PCDH15: variants seen among roughly 807,000 people sequenced by gnomAD.
PCDH15 encodes the protein protocadherin-15.
PCDH15 carries 129 observed loss-of-function variants against 178.5 expected under a neutral mutation model. The observed-to-expected ratio is 0.72, with a 90% confidence interval of 0.63 to 0.84. PCDH15 has a LOEUF of 0.84. Among genes scored for constraint, PCDH15 ranks in the 40% least tolerant of loss-of-function variants. The pLI, the probability that PCDH15 is intolerant of heterozygous loss-of-function variation, is 0.00. For missense variants in PCDH15, 2,230 were observed against 2,099.9 expected, an observed-to-expected ratio of 1.06 and a Z score of -1.21; for synonymous variants, 800 against 732.0, an observed-to-expected ratio of 1.09 and a Z score of -1.50.
chr10:55,366,185 T>A (rs1204490438), intron 2 of PCDH15: 2 of 152,126 alleles, frequency 1.3e-5, no homozygotes, highest in Non-Finnish European at 2.9e-5. Context: ...GTGACAATAG[T>A]AGGGTGAAGT....
intron 2 of PCDH15, among the ~76,000 whole-genome samples, chr10:54,626,084 G>T (rs965869194): frequency 6.6e-6 from 1 of 152,178 alleles, no homozygotes; most frequent in African/African-American, 2.4e-5. Flanking sequence ...GAACTTGAGA[G>T]AGATGATTTA....
chr10:54,314,567 T>C (rs2061119586), intron 8 of PCDH15, among the ~76,000 whole-genome samples: 1 of 152,110 alleles, frequency 6.6e-6, no homozygotes, highest in Non-Finnish European at 1.5e-5. Flanking sequence ...CAGGGGTCCA[T>C]ATGCAGGTTT....
At chr10:54,024,292 T>A (rs2093016508) in intron 18 of PCDH15, among the ~76,000 whole-genome samples, 1 of 152,080 alleles carries the variant, frequency 6.6e-6, no homozygotes, top group Non-Finnish European at 1.5e-5. Flanking sequence ...TCTTAGAAAC[T>A]GTAAAATATT....
At chr10:55,462,169 A>G (rs1839693611) in intron 2 of PCDH15, among the ~76,000 whole-genome samples, 1 of 152,192 alleles carries the variant, frequency 6.6e-6, no homozygotes, top group South Asian at 2.1e-4. Flanking sequence ...AGAGTTTCAT[A>G]TATATTTCCA....
rs777117144 is a variant in PCDH15 at position 54,153,177 on chromosome 10, T to C, written c.1707A>G (p.Pro569=). The C allele has an allele frequency of 6.2e-7, 1 of 1,613,922 alleles. No individual in the cohort carries two copies. The highest frequency in any genetic ancestry group is 1.1e-5 in the South Asian group (1 of 91,084). ...TCCGCCCGACTATCATTTCCACCCCTGGAGCGATGGTGATAAGCCCTGTTG... is the reference window on the plus strand; with the variant it reads ...TCCGCCCGACTATCATTTCCACCCCCGGAGCGATGGTGATAAGCCCTGTTG... The part of the protein sequence containing the change: ...NKTTGLITIA[P]GVEMIVGRTY... The change falls in exon 14 of 38, where the codon CCA becomes CCG. Residue 569 remains proline, a synonymous_variant. Coordinates refer to ENST00000644397, the MANE Select transcript of PCDH15 (RefSeq NM_001384140.1).
intron 37 of PCDH15, 84 bp from the exon 38 acceptor site, chr10:53,807,214 A>G: frequency 1.8e-6 from 2 of 1,126,232 alleles, no homozygotes; most frequent in South Asian, 1.7e-5. Flanking sequence ...ATCCAAAACA[A>G]TGACATTTAG....
At chr10:55,457,593 GA>G (rs961928368) in intron 2 of PCDH15, among the ~76,000 whole-genome samples, 13 of 152,126 alleles carry the variant, frequency 8.5e-5, no homozygotes, top group Admixed American at 5.9e-4. Flanking sequence ...TTTCAGGAGA[GA>G]AAACAATTAA....
chr10:53,908,771 G>T (rs1419762757), intron 25 of PCDH15, among the ~76,000 whole-genome samples: 1 of 152,148 alleles, frequency 6.6e-6, no homozygotes. Flanking sequence ...CACATTAAAT[G>T]ATTTTTAAAA....
intron 3 of PCDH15, among the ~76,000 whole-genome samples, chr10:54,513,616 T>A (rs1447013692): frequency 6.6e-6 from 1 of 152,192 alleles, no homozygotes; most frequent in Admixed American, 6.6e-5. Flanking sequence ...AATCACACTA[T>A]GTATTTTTAT....
intron 11 of PCDH15, among the ~76,000 whole-genome samples, chr10:54,188,148 A>G (rs1052912727): frequency 2.6e-5 from 4 of 151,924 alleles, no homozygotes; most frequent in Admixed American, 2.0e-4. Context: ...GTGCATTTGA[A>G]GTCAAATATC....
At chr10:54,379,170 G>T (rs1458347971) in intron 3 of PCDH15, among the ~76,000 whole-genome samples, 1 of 152,068 alleles carries the variant, frequency 6.6e-6, no homozygotes, top group Non-Finnish European at 1.5e-5. Flanking sequence ...CAGACATGGT[G>T]AGTTCCATCA....
At chr10:55,339,525 A>T (rs967418309) in intron 2 of PCDH15, among the ~76,000 whole-genome samples, 4 of 152,206 alleles carry the variant, frequency 2.6e-5, no homozygotes, top group African/African-American at 9.6e-5. Context: ...ATCAATGTAT[A>T]CATAACAGAT....
chr10:54,283,573 A>G lies in PCDH15; in HGVS notation c.876+33698T>C, dbSNP rs182947138. On this transcript the variant is annotated intron_variant, in intron 8 of 37. Transcript: ENST00000644397. Reference sequence around the variant, plus strand: ...ATAGATGTTTCTCAATAACAACAATAAAGAAAATTATTTCTTCATGTATTT... The same window carrying G: ...ATAGATGTTTCTCAATAACAACAATGAAGAAAATTATTTCTTCATGTATTT... Among the ~76,000 whole-genome samples, 491 of 152,292 alleles carry G rather than the reference A, an allele frequency of 3.2e-3. 3 individuals are homozygous for G. The highest frequency in any genetic ancestry group is 0.01 in the African/African-American group (432 of 41,576).
At chr10:55,319,328 T>G (rs1286202517) in intron 1 of PCDH15, among the ~76,000 whole-genome samples, 1 of 152,160 alleles carries the variant, frequency 6.6e-6, no homozygotes, top group Non-Finnish European at 1.5e-5. Context: ...TATATAAATG[T>G]GTGTGTGTCA....
At chr10:54,085,221 A>G (rs996847965) in intron 16 of PCDH15, among the ~76,000 whole-genome samples, 2 of 152,122 alleles carry the variant, frequency 1.3e-5, no homozygotes, top group Admixed American at 1.3e-4. Context: ...AATATAATTG[A>G]GCATTACATG....
chr10:54,456,028 C>T lies in PCDH15; in HGVS notation c.157+71784G>A, dbSNP rs546490898. 5.9e-5 allele frequency among the ~76,000 whole-genome samples: 9 copies of T among 152,260 alleles called. No homozygotes were observed. The South Asian group carries it at 1.9e-3, about 32-fold the overall frequency. ...AGGATGTATGGAAATGCCTGGATAC[C>T]CAGGCACAAGTTTGCTGTGGGAGCA... On this transcript the variant is annotated intron_variant, in intron 3 of 37. Transcript: ENST00000644397.
At chr10:54,709,615 T>C (rs2095408056) in intron 1 of PCDH15, among the ~76,000 whole-genome samples, 1 of 144,472 alleles carries the variant, frequency 6.9e-6, no homozygotes, top group Admixed American at 7.0e-5. Context: ...TATATACATA[T>C]ATATATATAT....
At chr10:53,889,322 A>G (rs1457303238) in intron 26 of PCDH15, among the ~76,000 whole-genome samples, 3 of 152,132 alleles carry the variant, frequency 2.0e-5, no homozygotes, top group Non-Finnish European at 4.4e-5. Flanking sequence ...AAGATATGCA[A>G]TCCAGAGTAT....
At chr10:54,779,488 GTATATATATACACACATATA>G (rs1950118743) in intron 1 of PCDH15, among the ~76,000 whole-genome samples, 4 of 53,320 alleles carry the variant, frequency 7.5e-5, no homozygotes, top group South Asian at 1.7e-3. Context: ...ACATATATAT[GTATATATATACACACATATA>G]TGTGTGTATA....
Sources: allele counts gnomAD v4.1 joint callset (sites outside exome capture counted in the v4.1 genomes callset), GRCh38; gene constraint gnomAD v4.1.1; transcripts MANE v1.5; gene names NCBI Gene and HGNC (gene_info 2026-07-23, HGNC 2026-07-21).